FBN1: variants seen among roughly 807,000 people sequenced by gnomAD.
FBN1 encodes the protein fibrillin 1, also known as fibrillin-1.
FBN1 carries 29 observed loss-of-function variants against 365.1 expected under a neutral mutation model. That is an observed-to-expected ratio of 0.08 (90% CI 0.06 to 0.11). FBN1 has a LOEUF of 0.11. FBN1 is among the 10% of genes least tolerant of loss of function. The probability of loss-of-function intolerance (pLI) is 1.00; values close to 1 mark genes in which losing one functional copy is unlikely to be tolerated. For missense variants in FBN1, 2,476 were observed against 3,703.2 expected, an observed-to-expected ratio of 0.67 and a Z score of 8.60; for synonymous variants, 1,210 against 1,270.5, an observed-to-expected ratio of 0.95 and a Z score of 1.01.
chr15:48,532,221 CCAT>C (rs2043978724), intron 8 of FBN1, among the ~76,000 whole-genome samples: 1 of 152,176 alleles, frequency 6.6e-6, no homozygotes, highest in Admixed American at 6.5e-5. Flanking sequence ...AGGCTGGAAG[CCAT>C]CATAATTTCA....
At chr15:48,453,483 A>AG (rs142941301) in intron 44 of FBN1, among the ~76,000 whole-genome samples, 3,337 of 152,246 alleles carry the variant, frequency 0.022, 69 homozygotes, top group East Asian at 0.083. Flanking sequence ...AGTGGTTGCC[A>AG]GGGGTTAGGG....
intron 10 of FBN1, among the ~76,000 whole-genome samples, chr15:48,519,965 T>C (rs1285118297): frequency 1.3e-5 from 2 of 152,238 alleles, no homozygotes; most frequent in Admixed American, 6.5e-5. Flanking sequence ...TGTTTAGTTA[T>C]GTATTTTTAA....
At chr15:48,585,242 CAG>C (rs2044426227) in intron 6 of FBN1, among the ~76,000 whole-genome samples, 1 of 152,182 alleles carries the variant, frequency 6.6e-6, no homozygotes, top group Middle Eastern at 3.2e-3. Flanking sequence ...TCTCTAAGGA[CAG>C]AGATAGAAAT....
intron 6 of FBN1, among the ~76,000 whole-genome samples, chr15:48,581,141 T>C (rs369574319): frequency 9.2e-5 from 14 of 152,320 alleles, no homozygotes; most frequent in African/African-American, 3.4e-4. Flanking sequence ...CAAATATGTA[T>C]TGACCATCTA....
At chr15:48,624,298 A>T (rs1172138937) in intron 2 of FBN1, among the ~76,000 whole-genome samples, 3 of 152,174 alleles carry the variant, frequency 2.0e-5, no homozygotes, top group African/African-American at 2.4e-5. Context: ...AAGAACACTA[A>T]GTCTGCTTGT....
chr15:48,632,534 G>T (rs547324401), intron 2 of FBN1, among the ~76,000 whole-genome samples: 3 of 152,288 alleles, frequency 2.0e-5, no homozygotes, highest in Admixed American at 1.3e-4. Context: ...CTCGTCTGAG[G>T]TTTCCTCCTA....
In FBN1 at chr15:48,601,254, A is replaced by G. The variant is rs1265036709; in HGVS notation, c.347-1020T>C. ...AGTGAGCAATGACAACAGCGCAGGC[A>G]AGTGCTCTCATTTCTCCAGTGTTCA... On this transcript the variant is annotated intron_variant, in intron 4 of 65. Coordinates refer to ENST00000316623, the MANE Select transcript of FBN1 (RefSeq NM_000138.5). Among the ~76,000 whole-genome samples, 18 of 152,338 alleles carry G rather than the reference A, an allele frequency of 1.2e-4. No individual in the cohort carries two copies. In the South Asian group the frequency reaches 3.3e-3, roughly 28 times the overall value.
rs188083061 is a variant in FBN1 at position 48,514,005 on chromosome 15, C to T, written c.1469-337G>A. Reference sequence around the variant, plus strand: ...TCAGAAGTGGCTTCTGGATAGGATTCCGAGTATCTCTTGAAGCTCTGTTTT... The same window carrying T: ...TCAGAAGTGGCTTCTGGATAGGATTTCGAGTATCTCTTGAAGCTCTGTTTT... On this transcript the variant is annotated intron_variant, in intron 12 of 65. Transcript: ENST00000316623. 2.2e-3 allele frequency among the ~76,000 whole-genome samples: 331 copies of T among 152,246 alleles called. 1 individual carries two copies. Among genetic ancestry groups the T allele is most frequent in the Middle Eastern group, 6.8e-3 (2 of 294 alleles).
At chr15:48,417,468 C>T (rs1477962521) in intron 63 of FBN1, among the ~76,000 whole-genome samples, 19 of 36,158 alleles carry the variant, frequency 5.3e-4, no homozygotes, top group Non-Finnish European at 1.2e-3. Context: ...TCCTTCCTTC[C>T]TTTCCTTCCT....
chr15:48,487,856 C>T (rs1436008449), intron 27 of FBN1, among the ~76,000 whole-genome samples: 1 of 152,156 alleles, frequency 6.6e-6, no homozygotes, highest in African/African-American at 2.4e-5. Flanking sequence ...CTCAATTGTC[C>T]TCTCTTCCGC....
At chr15:48,456,936 C>T (rs1010649853) in intron 43 of FBN1, among the ~76,000 whole-genome samples, 174 bp from the exon 44 acceptor site, 1 of 151,144 alleles carries the variant, frequency 6.6e-6, no homozygotes, top group Non-Finnish European at 1.5e-5. Flanking sequence ...ATTGAGATAA[C>T]TAAACCACTT....
At chr15:48,534,724 A>G (rs887292170) in intron 7 of FBN1, among the ~76,000 whole-genome samples, 1 of 152,218 alleles carries the variant, frequency 6.6e-6, no homozygotes, top group African/African-American at 2.4e-5. Flanking sequence ...TTTTTGCGCA[A>G]ATGAAGTGGA....
intron 6 of FBN1, among the ~76,000 whole-genome samples, chr15:48,549,492 A>C (rs186100970): frequency 2.2e-4 from 34 of 152,320 alleles, no homozygotes; most frequent in African/African-American, 7.9e-4. Flanking sequence ...CCCTGGGTAA[A>C]GCCCTGCTAT....
chr15:48,625,408 C>T (rs1400601369), intron 2 of FBN1, among the ~76,000 whole-genome samples: 2 of 152,122 alleles, frequency 1.3e-5, no homozygotes, highest in Non-Finnish European at 2.9e-5. Context: ...TAGTAAGCTG[C>T]CCAGTGATCT....
At chr15:48,465,530 T>C in intron 40 of FBN1, 38 bp downstream of exon 40, 2 of 1,612,478 alleles carry the variant, frequency 1.2e-6, no homozygotes, top group Non-Finnish European at 1.7e-6. Context: ...CAGTTCTTGA[T>C]ATCTGCAAGA....
Position 48,596,302 on chromosome 15 carries a change from A to G in FBN1, c.519T>C (p.Thr173=), listed in dbSNP as rs2044514992. ...PNRCACTYGF[T]GPQCERDYRT... ...CATTACCTCTTTCACACTGGGGTCC[A>G]GTAAATCCGTAAGTGCATGCACATC... Residue 173 remains threonine, a synonymous_variant, in exon 6 of 66, where the codon ACT becomes ACC. Transcript: ENST00000316623. The G allele has an allele frequency of 1.2e-6, 2 of 1,614,058 alleles. No homozygotes were observed. The highest frequency in any genetic ancestry group is 1.3e-5 in the African/African-American group (1 of 75,056).
intron 16 of FBN1, 96 bp from the exon 17 acceptor site, chr15:48,504,035 C>G: frequency 7.0e-7 from 1 of 1,434,710 alleles, no homozygotes; most frequent in Non-Finnish European, 9.7e-7. Context: ...ATCCATCATC[C>G]CTGGTGTAAC....
At chr15:48,444,883 TA>T (rs1284085558) in intron 48 of FBN1, among the ~76,000 whole-genome samples, 2 of 151,028 alleles carry the variant, frequency 1.3e-5, no homozygotes, top group Non-Finnish European at 2.9e-5. Context: ...TGCATCAAAT[TA>T]AATGTTTCCA....
chr15:48,528,493 C>G (rs1229875047), intron 8 of FBN1, among the ~76,000 whole-genome samples: 1 of 152,208 alleles, frequency 6.6e-6, no homozygotes, highest in Non-Finnish European at 1.5e-5. Context: ...AGGTACGCCT[C>G]TTGCATTACA....
Sources: gnomAD v4.1 joint callset for allele counts (sites outside exome capture counted in the v4.1 genomes callset) on GRCh38, gnomAD v4.1.1 for gene constraint, MANE v1.5 for transcripts, NCBI Gene and HGNC (gene_info 2026-07-23, HGNC 2026-07-21) for gene names.